ITGAD: variants seen among roughly 807,000 people sequenced by gnomAD.
ITGAD encodes integrin subunit alpha D.
ITGAD carries 105 observed loss-of-function variants against 139.0 expected under a neutral mutation model. That is an observed-to-expected ratio of 0.76 (90% CI 0.65 to 0.89). The LOEUF (loss-of-function observed/expected upper bound fraction) is 0.89. ITGAD is among the 40% of genes least tolerant of loss of function. ITGAD has a pLI of 0.00. For synonymous variants in ITGAD, 569 were observed against 598.3 expected, an observed-to-expected ratio of 0.95 and a Z score of 0.71; for missense variants, 1,384 against 1,487.3, an observed-to-expected ratio of 0.93 and a Z score of 1.14.
At chr16:31,393,814 A>ACGTGCAGAATGT (rs2081196907) in intron 1 of ITGAD, among the ~76,000 whole-genome samples, 1 of 152,108 alleles carries the variant, frequency 6.6e-6, no homozygotes, top group Non-Finnish European at 1.5e-5. Flanking sequence ...AAACTGCATC[A>ACGTGCAGAATGT]GAGTCACATT....
rs761371038 is a variant in ITGAD at position 31,426,149 on chromosome 16, C to T, written c.*21C>T. 3 of 1,488,716 alleles carry T rather than the reference C, an allele frequency of 2.0e-6. No individual in the cohort carries two copies. Among genetic ancestry groups the T allele is most frequent in the East Asian group, 4.5e-5 (2 of 44,138 alleles). 92.2% of individuals were successfully genotyped at this position (1,488,716 alleles called of 1,614,324 possible). A position where few individuals can be genotyped will look rare whatever the true frequency, so the allele number is the denominator to read the frequency against. On this transcript the variant is annotated 3_prime_UTR_variant, in exon 30 of 30. Coordinates refer to ENST00000389202, the MANE Select transcript of ITGAD (RefSeq NM_005353.3). ...CCTAATAATCCACTTTCCTGTTTAT[C>T]TCTACCACTGTGGGCTGGACTTGCT...
intron 17 of ITGAD, 68 bp from the exon 18 acceptor site, chr16:31,414,792 C>G: frequency 1.3e-6 from 2 of 1,586,628 alleles, no homozygotes; most frequent in South Asian, 2.3e-5. Flanking sequence ...GGAGTGGATG[C>G]AGTGGAGGAG....
intron 6 of ITGAD, 39 bp downstream of exon 6, chr16:31,402,284 G>C: frequency 6.6e-7 from 1 of 1,516,052 alleles, no homozygotes; most frequent in Non-Finnish European, 9.1e-7. Context: ...TTGGGGGACG[G>C]GGGAGGCTGG....
Position 31,424,352 on chromosome 16 carries a change from G to C in ITGAD, c.3262-115G>C, listed in dbSNP as rs2142861394. 3.2e-6 allele frequency: 4 copies of C among 1,245,450 alleles called. No individual in the cohort carries two copies. In the East Asian group the frequency reaches 9.4e-5, roughly 29 times the overall value. The allele number at this position is 1,245,450 out of a possible 1,614,324, so 77.1% of individuals were successfully genotyped here. On this transcript the variant is annotated intron_variant, in intron 28 of 29. Coordinates refer to ENST00000389202, the MANE Select transcript of ITGAD (RefSeq NM_005353.3). ...TGTCCCTAAGGGCACGGGTGCTACTGTGTCTCACTCCTTGGAGCAGAGCCT... is the reference window on the plus strand; with the variant it reads ...TGTCCCTAAGGGCACGGGTGCTACTCTGTCTCACTCCTTGGAGCAGAGCCT...
rs770930725 is a variant in ITGAD at position 31,397,478 on chromosome 16, G to T, written c.241+16G>T. The T allele has an allele frequency of 5.0e-6, 8 of 1,584,284 alleles. No homozygotes were observed. The South Asian group carries it at 8.0e-5, about 16-fold the overall frequency. ...CCGCTGCACAGTGAGTGACCACCTG[G>T]GAATTGGGCCCCTCAACCCTCCTGG... On this transcript the variant is annotated intron_variant, in intron 3 of 29. Transcript: ENST00000389202.
rs1351037822 is a variant in ITGAD at position 31,414,966 on chromosome 16, G to T, written c.2258G>T (p.Gly753Val). 6.2e-7 allele frequency: 1 copy of T among 1,614,062 alleles called. No individual in the cohort carries two copies. Among genetic ancestry groups the T allele is most frequent in the East Asian group, 2.2e-5 (1 of 44,882 alleles). ...AACCTGCGTCCTGTGCTGGCCGTGG[G>T]CTCACAAGACCTCTTCACTGCTTCT... ...PQNLRPVLAV[G>V]SQDLFTASLP... The change falls in exon 18 of 30, where the codon GGC becomes GTC. Residue 753 changes from glycine (G) to valine (V), a missense_variant. Coordinates refer to ENST00000389202, the MANE Select transcript of ITGAD (RefSeq NM_005353.3).
At chr16:31,425,207 G>T (rs1350302995) in intron 29 of ITGAD, among the ~76,000 whole-genome samples, 1 of 151,984 alleles carries the variant, frequency 6.6e-6, no homozygotes, top group South Asian at 2.1e-4. Context: ...AAGTAGCTAG[G>T]ACTACAGGCA....
At chr16:31,413,000 G>T (rs1054963157) in intron 15 of ITGAD, 32 bp downstream of exon 15, 8 of 1,602,554 alleles carry the variant, frequency 5.0e-6, no homozygotes, top group African/African-American at 4.0e-5. Context: ...GCCCTCCCGC[G>T]CTGTGTCTGA....
chr16:31,416,442 C>T, intron 19 of ITGAD, 63 bp from the exon 20 acceptor site: 3 of 1,573,080 alleles, frequency 1.9e-6, no homozygotes, highest in Non-Finnish European at 2.6e-6. Context: ...TTCTGCCCTG[C>T]CCTTCCCAGT....
At position 31,413,200 on chromosome 16, in the gene ITGAD, C is replaced by T. The variant is rs145551627; in HGVS notation, c.1950C>T (p.Asp650=). ...AGCCCAGTGCCCTGGAAGCTGGGGA[C>T]GCCACCGTCTGTCTCACCATCCAGA... is the stretch of plus-strand genomic sequence containing the variant. ...EEKPSALEAG[D]ATVCLTIQKS... The change falls in exon 16 of 30, where the codon GAC becomes GAT. Residue 650 remains aspartate, a synonymous_variant. Transcript: ENST00000389202. 366 of 1,614,138 alleles carry T rather than the reference C, an allele frequency of 2.3e-4. 3 individuals carry two copies. The East Asian group carries it at 7.2e-3, about 32-fold the overall frequency.
intron 5 of ITGAD, among the ~76,000 whole-genome samples, chr16:31,400,932 T>C (rs3892327): frequency 0.42 from 63,058 of 151,858 alleles, 13,909 homozygotes; most frequent in East Asian, 0.62. Context: ...ACCGCACCCA[T>C]GGGAGCATGA....
At chr16:31,419,812 CAAAAAAAAAAAAAA>C in intron 23 of ITGAD, among the ~76,000 whole-genome samples, 1 of 58,258 alleles carries the variant, frequency 1.7e-5, no homozygotes, top group East Asian at 5.0e-4. Flanking sequence ...GGCTCTGTCT[CAAAAAAAAAAAAAA>C]AAAAAGAAAA....
intron 20 of ITGAD, among the ~76,000 whole-genome samples, chr16:31,416,996 C>T (rs986703691): frequency 3.6e-5 from 4 of 110,116 alleles, no homozygotes; most frequent in African/African-American, 1.0e-4. Flanking sequence ...TCTCTCCTTC[C>T]CCCCTCCCTC....
rs1194461682 is a variant in ITGAD at position 31,413,197 on chromosome 16, G to C, written c.1947G>C (p.Gly649=). 1.9e-6 allele frequency: 3 copies of C among 1,614,032 alleles called. No homozygotes were observed. In the African/African-American group the frequency reaches 4.0e-5, roughly 22 times the overall value. The part of the protein sequence containing the change: ...WEEKPSALEA[G]DATVCLTIQK... ...AGAAGCCCAGTGCCCTGGAAGCTGG[G>C]GACGCCACCGTCTGTCTCACCATCC... Residue 649 remains glycine (G), a synonymous_variant, in exon 16 of 30, where the codon GGG becomes GGC. Transcript: ENST00000389202.
chr16:31,394,415 C>T (rs62051538), intron 2 of ITGAD, 74 bp downstream of exon 2: 1 of 1,149,384 alleles, frequency 8.7e-7, no homozygotes, highest in Non-Finnish European at 1.3e-6. Context: ...TGGGTTACCC[C>T]AGGGAGGTGT....
Position 31,416,286 on chromosome 16 carries a change from G to C in ITGAD, c.2357G>C (p.Gly786Ala). The C allele has an allele frequency of 1.3e-6, 2 of 1,599,296 alleles. No homozygotes were observed. The highest frequency in any genetic ancestry group is 1.7e-6 in the Non-Finnish European group (2 of 1,171,394). The change falls in exon 19 of 30, where the codon GGC (glycine) becomes GCC (alanine). Residue 786 changes from glycine (G) to alanine (A), a missense_variant and splice_region_variant. By Grantham distance (60) the Gly-to-Ala change is moderately conservative. Transcript: ENST00000389202. ...GDLGVTLSFS[G>A]LQTLTVGSSL... The stretch of plus-strand genomic sequence containing the variant: ...CTGGGTGTCACCCTCAGCTTCTCAG[G>C]GTGAGCTGTAACTCCCTTCATATCC...
In ITGAD at chr16:31,408,891, G is replaced by A. The variant is rs374575591; in HGVS notation, c.1083+393G>A. On this transcript the variant is annotated intron_variant, in intron 10 of 29. Coordinates refer to ENST00000389202, the MANE Select transcript of ITGAD (RefSeq NM_005353.3). Reference sequence around the variant, plus strand: ...CCCAGGTCCTCGGCGGGAGAGATCCGGGCTTGCCAGAGCCCAGGGAGCCCA... The same window carrying A: ...CCCAGGTCCTCGGCGGGAGAGATCCAGGCTTGCCAGAGCCCAGGGAGCCCA... Among the ~76,000 whole-genome samples the A allele has an allele frequency of 5.2e-3, 795 of 152,328 alleles. 8 individuals are homozygous for A. Among genetic ancestry groups the A allele is most frequent in the African/African-American group, 0.018 (763 of 41,572 alleles).
chr16:31,423,753 A>G, intron 26 of ITGAD, 92 bp from the exon 27 acceptor site: 1 of 1,530,558 alleles, frequency 6.5e-7, no homozygotes, highest in East Asian at 2.3e-5. Context: ...GTAACTGCTC[A>G]TCTGTTCCCC....
rs2081450143 is a variant in ITGAD, at chr16:31,403,242, G to A, written c.559-258G>A. ...TAATCCCAGCACTTTGGGAGGCTGA[G>A]GTGGGAGTATTGCTTGAGGCCAAGA... On this transcript the variant is annotated intron_variant, in intron 6 of 29. Transcript: ENST00000389202. The surrounding 1 kb of genome is among the most constrained non-coding windows in gnomAD (Gnocchi z 4.4). 5.1e-6 allele frequency: 2 copies of A among 393,950 alleles called. No individual in the cohort carries two copies. The highest frequency in any genetic ancestry group is 9.2e-6 in the Non-Finnish European group (2 of 216,512). 24.4% of individuals were successfully genotyped at this position (393,950 alleles called of 1,614,324 possible).
Sources: allele counts gnomAD v4.1 joint callset (sites outside exome capture counted in the v4.1 genomes callset), GRCh38; gene constraint gnomAD v4.1.1; non-coding constraint Gnocchi (gnomAD v3.1); transcripts MANE v1.5; gene names NCBI Gene and HGNC (gene_info 2026-07-23, HGNC 2026-07-21).